Variants in BLTP2 observed in about 807,000 individuals in gnomAD.
BLTP2 encodes the protein U937-associated antigen.
chr17:28,640,640 G>A, the BLTP2 span: 2 of 1,613,928 alleles, frequency 1.2e-6, no homozygotes, highest in Non-Finnish European at 1.7e-6. Flanking sequence ...GCTGGAGAAG[G>A]AATAGGCCAG....
chr17:28,621,121 G>A, the BLTP2 span: 5 of 1,614,170 alleles, frequency 3.1e-6, no homozygotes, highest in South Asian at 5.5e-5. Flanking sequence ...AACGCGAAAT[G>A]ATCCGCTGGA....
At chr17:28,619,947 G>A in the BLTP2 span, 1 of 1,614,074 alleles carries the variant, frequency 6.2e-7, no homozygotes, top group Non-Finnish European at 8.5e-7. Flanking sequence ...GTATGCTGCT[G>A]CGTTGCTCCT....
the BLTP2 span, chr17:28,643,083 T>C: frequency 6.3e-7 from 1 of 1,592,094 alleles, no homozygotes; most frequent in Non-Finnish European, 8.6e-7. Context: ...CATTATGCCC[T>C]AAAAACAGAA....
At chr17:28,632,040 G>T in the BLTP2 span, 4 of 1,611,414 alleles carry the variant, frequency 2.5e-6, no homozygotes, top group Non-Finnish European at 3.4e-6. Context: ...AGGGACATCA[G>T]TGCCTTACCT....
At chr17:28,642,108 T>C in the BLTP2 span, 4,882 of 1,606,010 alleles carry the variant, frequency 3.0e-3, 15 homozygotes, top group Non-Finnish European at 3.5e-3. Flanking sequence ...CTAAGGTGTA[T>C]GTAAGAAAGT....
At chr17:28,634,929 A>G in the BLTP2 span, 8 of 1,613,732 alleles carry the variant, frequency 5.0e-6, no homozygotes, top group South Asian at 7.7e-5. Context: ...GTTTCACCTC[A>G]AAAACATCAT....
chr17:28,635,157 C>G, the BLTP2 span: 1 of 1,613,858 alleles, frequency 6.2e-7, no homozygotes, highest in Admixed American at 1.7e-5. Flanking sequence ...TCCGGAGGGT[C>G]TGCAGCGCAG....
chr17:28,625,149 A>C, the BLTP2 span, among the ~76,000 whole-genome samples: 3 of 152,020 alleles, frequency 2.0e-5, no homozygotes, highest in African/African-American at 4.8e-5. Flanking sequence ...CATCCTGGCC[A>C]ACATGGTGAT....
At chr17:28,643,372 C>T in the BLTP2 span, 1 of 1,591,444 alleles carries the variant, frequency 6.3e-7, no homozygotes, top group South Asian at 1.1e-5. Context: ...GTCTATTCCC[C>T]ACCCTCACAT....
At chr17:28,645,060 G>A in the BLTP2 span, 3 of 1,591,920 alleles carry the variant, frequency 1.9e-6, no homozygotes, top group East Asian at 2.3e-5. Flanking sequence ...GAGGCATTTA[G>A]GTCCGGGTCC....
the BLTP2 span, chr17:28,631,942 T>A: frequency 2.9e-5 from 46 of 1,612,850 alleles, no homozygotes; most frequent in Non-Finnish European, 3.9e-5. Flanking sequence ...GAGCATAACA[T>A]TAACAAAGGA....
chr17:28,638,641 T>C, the BLTP2 span: 2 of 1,572,308 alleles, frequency 1.3e-6, no homozygotes, highest in East Asian at 2.2e-5. Flanking sequence ...TGGGGGAAGG[T>C]TCTGCATAGG....
At chr17:28,635,231 TG>T in the BLTP2 span, 2 of 1,613,954 alleles carry the variant, frequency 1.2e-6, no homozygotes, top group Admixed American at 3.3e-5. Context: ...TCCACCTCCT[TG>T]AAGTTGAAGA....
chr17:28,622,847 C>T, the BLTP2 span, among the ~76,000 whole-genome samples: 2 of 152,260 alleles, frequency 1.3e-5, no homozygotes, highest in South Asian at 2.1e-4. Context: ...GAGGCCGAGG[C>T]GGGCGGATCA....
the BLTP2 span, among the ~76,000 whole-genome samples, chr17:28,619,230 C>A: frequency 1.3e-5 from 2 of 152,110 alleles, no homozygotes; most frequent in Admixed American, 1.3e-4. Flanking sequence ...TTATCTGCAA[C>A]TGTATACTGA....
At chr17:28,617,453 T>A in the BLTP2 span, 1 of 620,538 alleles carries the variant, frequency 1.6e-6, no homozygotes, top group Non-Finnish European at 2.9e-6. Flanking sequence ...TTCAAACTCA[T>A]ACAATCAACA....
the BLTP2 span, chr17:28,639,306 C>G: frequency 6.2e-7 from 1 of 1,614,118 alleles, no homozygotes; most frequent in African/African-American, 1.3e-5. Flanking sequence ...TGAAAAAGAT[C>G]AGACTGACCT....
At chr17:28,638,820 G>A in the BLTP2 span, among the ~76,000 whole-genome samples, 1 of 152,098 alleles carries the variant, frequency 6.6e-6, no homozygotes, top group African/African-American at 2.4e-5. Flanking sequence ...TACTCTTAAT[G>A]GTAATCTGCA....
At chr17:28,617,761 CTTATTT>C in the BLTP2 span, among the ~76,000 whole-genome samples, 9 of 152,102 alleles carry the variant, frequency 5.9e-5, no homozygotes, top group South Asian at 1.9e-3. Flanking sequence ...GTATCTGTAT[CTTATTT>C]TTATTTTTTT....
Sources: allele counts gnomAD v4.1 joint callset (sites outside exome capture counted in the v4.1 genomes callset), GRCh38; gene constraint gnomAD v4.1.1; transcripts MANE v1.5; gene names NCBI Gene and HGNC (gene_info 2026-07-23, HGNC 2026-07-21).